Variants in EPHA6 observed in about 807,000 individuals in gnomAD.
EPHA6 encodes ephrin type-A receptor 6.
Under a neutral mutation model 112.0 loss-of-function variants are expected in EPHA6, and 50 were observed. That is an observed-to-expected ratio of 0.45 (90% CI 0.36 to 0.56). EPHA6 has a LOEUF of 0.56. Ranked by LOEUF, EPHA6 falls within the 20% of genes least tolerant of loss-of-function variation. EPHA6 has a pLI of 0.00. For missense variants in EPHA6, 1,280 were observed against 1,417.4 expected (o/e 0.90, Z 1.56); for synonymous variants, 529 against 490.7 (o/e 1.08, Z -1.03).
chr3:97,470,137 A>G (rs763858474), intron 7 of EPHA6, among the ~76,000 whole-genome samples: 16 of 151,722 alleles, frequency 1.1e-4, no homozygotes, highest in Non-Finnish European at 1.8e-4. Flanking sequence ...TGTGAAGATT[A>G]ATTAATCTCC....
At chr3:96,877,443 T>C (rs1428794816) in intron 2 of EPHA6, among the ~76,000 whole-genome samples, 6 of 152,204 alleles carry the variant, frequency 3.9e-5, no homozygotes, top group African/African-American at 1.4e-4. Flanking sequence ...TTTCAAAGAA[T>C]TAATGACCGG....
intron 3 of EPHA6, among the ~76,000 whole-genome samples, chr3:97,203,286 T>A (rs2077627926): frequency 6.6e-6 from 1 of 151,970 alleles, no homozygotes. Flanking sequence ...CAAGGTAATG[T>A]GGAGTTGGAT....
chr3:97,656,929 A>T (rs2094140935), intron 14 of EPHA6, among the ~76,000 whole-genome samples: 1 of 151,976 alleles, frequency 6.6e-6, no homozygotes, highest in Non-Finnish European at 1.5e-5. Flanking sequence ...TATGAAACAT[A>T]CACATTACTC....
chr3:97,445,150 A>G, intron 6 of EPHA6, among the ~76,000 whole-genome samples: 1 of 152,154 alleles, frequency 6.6e-6, no homozygotes, highest in East Asian at 1.9e-4. Flanking sequence ...GATACAACTT[A>G]AAATGTGTTA....
chr3:97,524,149 T>C (rs1178632974), intron 10 of EPHA6, among the ~76,000 whole-genome samples: 1 of 131,800 alleles, frequency 7.6e-6, no homozygotes, highest in African/African-American at 3.9e-5. Context: ...CTGACTTTTG[T>C]AGTTATTTTG....
At chr3:97,652,170 T>C (rs2094111681) in intron 14 of EPHA6, among the ~76,000 whole-genome samples, 1 of 152,076 alleles carries the variant, frequency 6.6e-6, no homozygotes, top group Admixed American at 6.6e-5. Context: ...GCTAGTTTCA[T>C]CTCTGATGTG....
At chr3:97,164,208 A>G (rs948274230) in intron 3 of EPHA6, among the ~76,000 whole-genome samples, 3 of 152,182 alleles carry the variant, frequency 2.0e-5, no homozygotes, top group African/African-American at 7.2e-5. Context: ...GGAGTATCAC[A>G]TATAGATATT....
Position 97,665,927 on chromosome 3 carries a change from T to C in EPHA6, c.2784+27845T>C, listed in dbSNP as rs1296779734. 3.3e-5 allele frequency among the ~76,000 whole-genome samples: 5 copies of C among 152,066 alleles called. 1 individual carries two copies. The East Asian group carries it at 9.7e-4, about 29-fold the overall frequency. ...AAAAAATTAGCCAGGTGTGAGAGTG[T>C]GTGCCTGTAATCCCAGCTACTCAGG... is the stretch of plus-strand genomic sequence containing the variant. On this transcript the variant is annotated intron_variant, in intron 14 of 17. Coordinates refer to ENST00000389672, the MANE Select transcript of EPHA6 (RefSeq NM_001080448.3).
chr3:97,620,639 A>C (rs1220654348), intron 13 of EPHA6, among the ~76,000 whole-genome samples: 1 of 152,082 alleles, frequency 6.6e-6, no homozygotes, highest in Non-Finnish European at 1.5e-5. Context: ...GGAGACATAC[A>C]TGTGGCCAAG....
intron 14 of EPHA6, among the ~76,000 whole-genome samples, chr3:97,699,320 T>C (rs928845570): frequency 9.9e-5 from 15 of 152,218 alleles, no homozygotes. Context: ...TACATAGTGT[T>C]CAGCAGAGAC....
rs1351465384 is a variant in EPHA6 at position 97,749,807 on chromosome 3, C to G, written c.*1106C>G. Reference sequence around the variant, plus strand: ...GGCACATTTTGCAAGTTGAAGCGTTCTTATGTTTTCTTTGCAAAAATAGTT... The same window carrying G: ...GGCACATTTTGCAAGTTGAAGCGTTGTTATGTTTTCTTTGCAAAAATAGTT... On this transcript the variant is annotated 3_prime_UTR_variant, in exon 18 of 18. Coordinates refer to ENST00000389672, the MANE Select transcript of EPHA6 (RefSeq NM_001080448.3). 6.6e-6 allele frequency among the ~76,000 whole-genome samples: 1 copy of G among 152,100 alleles called. No individual in the cohort carries two copies. The highest frequency in any genetic ancestry group is 1.5e-5 in the Non-Finnish European group (1 of 67,990).
At chr3:96,915,704 G>A (rs2039450091) in intron 2 of EPHA6, among the ~76,000 whole-genome samples, 2 of 152,050 alleles carry the variant, frequency 1.3e-5, no homozygotes, top group African/African-American at 4.8e-5. Context: ...CTCACAAGAG[G>A]TTGATAATCA....
At chr3:97,470,148 A>G (rs557205458) in intron 7 of EPHA6, among the ~76,000 whole-genome samples, 1 of 151,870 alleles carries the variant, frequency 6.6e-6, no homozygotes, top group South Asian at 2.1e-4. Flanking sequence ...ATTAATCTCC[A>G]TTATGTGTTG....
intron 8 of EPHA6, among the ~76,000 whole-genome samples, chr3:97,478,935 A>T (rs1466909647): frequency 6.6e-6 from 1 of 152,138 alleles, no homozygotes; most frequent in Admixed American, 6.5e-5. Flanking sequence ...GTGAAAATGG[A>T]AGACAGTTGT....
At chr3:97,366,778 T>G (rs965489569) in intron 5 of EPHA6, among the ~76,000 whole-genome samples, 10 of 152,308 alleles carry the variant, frequency 6.6e-5, no homozygotes, top group African/African-American at 2.4e-4. Flanking sequence ...AAACCTTGGA[T>G]TGTAAGTCCA....
rs182498183 is a variant in EPHA6 at position 97,130,262 on chromosome 3, G to A, written c.1115-96002G>A. 4.7e-3 allele frequency among the ~76,000 whole-genome samples: 708 copies of A among 151,494 alleles called. 6 individuals are homozygous for A. The highest frequency in any genetic ancestry group is 0.015 in the African/African-American group (633 of 41,298). ...CCTTCCTACATTCTCTTACCATCTCGGGGTTGTTTTTTTCTCTTTTTCTTC... is the reference window on the plus strand; with the variant it reads ...CCTTCCTACATTCTCTTACCATCTCAGGGTTGTTTTTTTCTCTTTTTCTTC... On this transcript the variant is annotated intron_variant, in intron 3 of 17. Transcript: ENST00000389672.
At chr3:97,505,538 A>C (rs1247057990) in intron 10 of EPHA6, among the ~76,000 whole-genome samples, 1 of 152,136 alleles carries the variant, frequency 6.6e-6, no homozygotes, top group Non-Finnish European at 1.5e-5. Context: ...TTATGGATGC[A>C]TAGTATTTCA....
chr3:97,182,831 G>T (rs1480902877), intron 3 of EPHA6, among the ~76,000 whole-genome samples: 1 of 152,126 alleles, frequency 6.6e-6, no homozygotes, highest in Non-Finnish European at 1.5e-5. Context: ...CTGGAATTAT[G>T]TGAGTGGTAA....
intron 13 of EPHA6, among the ~76,000 whole-genome samples, chr3:97,614,698 G>C (rs1294012703): frequency 6.6e-6 from 1 of 151,854 alleles, no homozygotes; most frequent in African/African-American, 2.4e-5. Context: ...AAATAAGAAA[G>C]GGGGTCATCT....
Sources: allele counts gnomAD v4.1 joint callset (sites outside exome capture counted in the v4.1 genomes callset), GRCh38; gene constraint gnomAD v4.1.1; transcripts MANE v1.5; gene names NCBI Gene and HGNC (gene_info 2026-07-23, HGNC 2026-07-21).